NFIB: variants seen among roughly 807,000 people sequenced by gnomAD.
NFIB encodes the protein nuclear factor 1 B-type.
A neutral mutation model predicts 61.5 loss-of-function variants in NFIB; 11 were observed. The ratio of observed to expected loss-of-function variants is 0.18; its 90% confidence interval spans 0.11 to 0.30. NFIB has a LOEUF of 0.30. Among genes scored for constraint, NFIB ranks in the 10% least tolerant of loss-of-function variants. The pLI, the probability that NFIB is intolerant of heterozygous loss-of-function variation, is 1.00. For missense variants in NFIB, 471 were observed against 608.9 expected (o/e 0.77, Z 2.38); for synonymous variants, 260 against 216.5 (o/e 1.20, Z -1.76).
chr9:14,382,277 T>C (rs998101553), intron 1 of NFIB, among the ~76,000 whole-genome samples: 2 of 152,056 alleles, frequency 1.3e-5, no homozygotes, highest in African/African-American at 4.8e-5. Context: ...TAGCTCATGT[T>C]TGAGAACACA....
At chr9:14,361,442 A>G (rs1377518141) in intron 1 of NFIB, 1 of 152,202 alleles carries the variant, frequency 6.6e-6, no homozygotes, top group African/African-American at 2.4e-5. Context: ...TGTATTTGCT[A>G]GTAGCATTAC....
intron 6 of NFIB, among the ~76,000 whole-genome samples, chr9:14,139,945 A>T (rs935417094): frequency 6.6e-6 from 1 of 152,218 alleles, no homozygotes; most frequent in Non-Finnish European, 1.5e-5. Context: ...AAATTCACTT[A>T]GAGTTCTTTA....
chr9:14,438,156 G>A, the NFIB span, among the ~76,000 whole-genome samples: 2 of 152,092 alleles, frequency 1.3e-5, no homozygotes, highest in East Asian at 1.9e-4. Context: ...GACAAATCTC[G>A]TGCTTGTAAG....
At chr9:14,125,163 C>CT (rs1168665720) in intron 7 of NFIB, among the ~76,000 whole-genome samples, 1 of 152,024 alleles carries the variant, frequency 6.6e-6, no homozygotes, top group East Asian at 1.9e-4. Context: ...GAAAATCTTT[C>CT]TTTTTTCTTT....
At chr9:14,523,766 T>C in the NFIB span, among the ~76,000 whole-genome samples, 1 of 152,168 alleles carries the variant, frequency 6.6e-6, no homozygotes, top group Non-Finnish European at 1.5e-5. Context: ...CAGTTAGAGA[T>C]GACGTTTGCT....
chr9:14,157,641 A>C (rs1440856476), intron 3 of NFIB, among the ~76,000 whole-genome samples: 1 of 152,216 alleles, frequency 6.6e-6, no homozygotes, highest in Non-Finnish European at 1.5e-5. Context: ...AGAAACTTCT[A>C]AGTAACAATC....
rs57893383 is a variant in NFIB, at chr9:14,396,280, CT to C, written c.108+2243del. On this transcript the variant is annotated intron_variant, in intron 1 of 8. Transcript: ENST00000380934. ...ACATTGGCTAAATCACCTTATTACACTTCCATATAGTTGAAAAGAGGCTTAA... is the reference window on the plus strand; with the variant it reads ...ACATTGGCTAAATCACCTTATTACACTCCATATAGTTGAAAAGAGGCTTAA... 6.1e-4 allele frequency among the ~76,000 whole-genome samples: 93 copies of C among 151,992 alleles called. 1 individual carries two copies. In the East Asian group the frequency reaches 0.015, roughly 24 times the overall value.
the NFIB span, among the ~76,000 whole-genome samples, chr9:14,459,755 A>T: frequency 6.6e-6 from 1 of 151,458 alleles, no homozygotes; most frequent in Admixed American, 6.6e-5. Flanking sequence ...CAGCCAAAAG[A>T]CACATGAAAA....
At chr9:14,173,217 T>C (rs574746508) in intron 3 of NFIB, among the ~76,000 whole-genome samples, 2 of 152,280 alleles carry the variant, frequency 1.3e-5, no homozygotes, top group East Asian at 1.9e-4. Context: ...ATGAACATAA[T>C]TGACTGCACA....
intron 2 of NFIB, among the ~76,000 whole-genome samples, 187 bp from the exon 3 acceptor site, chr9:14,179,967 T>C (rs1471077525): frequency 6.6e-6 from 1 of 152,190 alleles, no homozygotes; most frequent in Non-Finnish European, 1.5e-5. Context: ...CATATACATA[T>C]TTCTATGTCA....
At position 14,088,141 on chromosome 9, in the gene NFIB, CTTTT is replaced by C. The variant is rs745329834; in HGVS notation, c.*164_*167del. ...TGTTTTGTCCAGTCTTCCTCTTTTC[CTTTT>C]TTTTTATTTAAAAAAAAAATTTCTT... On this transcript the variant is annotated 3_prime_UTR_variant, in exon 11 of 11. Transcript: ENST00000380953. The C allele has an allele frequency of 4.0e-5, 54 of 1,354,168 alleles. No individual in the cohort carries two copies. The highest frequency in any genetic ancestry group is 1.3e-4 in the African/African-American group (9 of 66,674). The allele number at this position is 1,354,168 out of a possible 1,614,324, so 83.9% of individuals were successfully genotyped here. A position where few individuals can be genotyped will look rare whatever the true frequency, so the allele number is the denominator to read the frequency against.
chr9:14,092,988 T>C (rs2034184723), intron 10 of NFIB, among the ~76,000 whole-genome samples: 1 of 152,102 alleles, frequency 6.6e-6, no homozygotes, highest in Non-Finnish European at 1.5e-5. Flanking sequence ...GGTTATGTTT[T>C]TTTAAAATTA....
rs545987983 is a variant in NFIB, at chr9:14,204,070, G to A, written c.563-24290C>T. On this transcript the variant is annotated intron_variant, in intron 2 of 10. Transcript: ENST00000380953. ...ACTTATAATCTCTATCAAAGCATAC[G>A]TGTATGAAAAATGAAAACCAAAAAA... Among the ~76,000 whole-genome samples the A allele has an allele frequency of 6.6e-5, 10 of 152,242 alleles. No individual in the cohort carries two copies. The South Asian group carries it at 1.2e-3, about 19-fold the overall frequency.
intron 2 of NFIB, among the ~76,000 whole-genome samples, chr9:14,201,203 C>G (rs980197141): frequency 6.6e-6 from 1 of 152,174 alleles, no homozygotes; most frequent in South Asian, 2.1e-4. Flanking sequence ...GCATAGCCAC[C>G]AGGAATCACA....
intron 1 of NFIB, among the ~76,000 whole-genome samples, chr9:14,325,008 G>A (rs1472217618): frequency 6.6e-6 from 1 of 151,980 alleles, no homozygotes. Context: ...AATCTACAAC[G>A]TCGCCTGCTT....
chr9:14,299,651 T>A (rs2059643569), intron 2 of NFIB, among the ~76,000 whole-genome samples: 1 of 152,210 alleles, frequency 6.6e-6, no homozygotes, highest in African/African-American at 2.4e-5. Flanking sequence ...AGGCAACTTT[T>A]GATAGTAAAA....
chr9:14,150,827 A>C (rs1228949556), intron 4 of NFIB, among the ~76,000 whole-genome samples: 1 of 152,142 alleles, frequency 6.6e-6, no homozygotes, highest in African/African-American at 2.4e-5. Context: ...TAGAATAATA[A>C]TTTTTGGTTT....
At chr9:14,167,958 T>A (rs1050125536) in intron 3 of NFIB, among the ~76,000 whole-genome samples, 1 of 152,208 alleles carries the variant, frequency 6.6e-6, no homozygotes, top group Admixed American at 6.5e-5. Context: ...TCAGCAATTA[T>A]ATTGGAGTGC....
chr9:14,422,800 C>T, the NFIB span, among the ~76,000 whole-genome samples: 1 of 152,126 alleles, frequency 6.6e-6, no homozygotes, highest in Admixed American at 6.5e-5. Flanking sequence ...CCCAGCCCTG[C>T]CAGCCATAGA....
Sources: allele counts gnomAD v4.1 joint callset (sites outside exome capture counted in the v4.1 genomes callset), GRCh38; gene constraint gnomAD v4.1.1; transcripts MANE v1.5; gene names NCBI Gene and HGNC (gene_info 2026-07-23, HGNC 2026-07-21).